CCNI2: variants seen among roughly 807,000 people sequenced by gnomAD.
CCNI2 encodes cyclin I family member 2.
Under a neutral mutation model 33.2 loss-of-function variants are expected in CCNI2, and 32 were observed. That is an observed-to-expected ratio of 0.96 (90% CI 0.73 to 1.30). The LOEUF is 1.30. CCNI2 is among the 50% of genes most tolerant of loss of function. CCNI2 has a pLI of 0.00. For synonymous variants in CCNI2, 231 were observed against 219.9 expected (o/e 1.05, Z -0.45); for missense variants, 452 against 486.2 (o/e 0.93, Z 0.66).
Position 132,752,071 on chromosome 5 carries a change from A to T in CCNI2, c.880A>T (p.Met294Leu). 1 of 1,606,792 alleles carries T rather than the reference A, an allele frequency of 6.2e-7. No homozygotes were observed. The highest frequency in any genetic ancestry group is 8.5e-7 in the Non-Finnish European group (1 of 1,176,812). Residue 294 changes from methionine (M) to leucine (L), a missense_variant, in exon 5 of 6, where the codon ATG becomes TTG. Coordinates refer to ENST00000378731, the MANE Select transcript of CCNI2 (RefSeq NM_001039780.4). ...ASLTRQLQHC[M>L]AGHQLLQFKG... ...CCTGACCAGGCAGCTGCAGCACTGT[A>T]TGGCGGGCCACCAGCTGCTGCAGTT...
downstream of CCNI2, chr5:132,754,440 G>A (rs1029204383): frequency 1.4e-6 from 1 of 717,344 alleles, no homozygotes; most frequent in African/African-American, 1.7e-5. Flanking sequence ...GGCTTTAGGG[G>A]AACTGCTGGA....
downstream of CCNI2, chr5:132,756,061 A>G (rs1755305624): frequency 1.0e-6 from 1 of 985,326 alleles, no homozygotes; most frequent in Non-Finnish European, 1.2e-6. Context: ...GGAAAAGAAC[A>G]AAAACAGTCA....
At position 132,753,967 on chromosome 5, in the gene CCNI2, T is replaced by TG. The variant is rs1356793606; in HGVS notation, c.*997_*998insG. On this transcript the variant is annotated 3_prime_UTR_variant, in exon 6 of 6. Transcript: ENST00000378731. ...CACTGTGAACTATGGTTTTTTTTTT[T>TG]TTTTTTTTTTTTTGGTGTGTTTGTG... The TG allele has an allele frequency of 1.0e-3, 154 of 150,252 alleles. 2 individuals carry two copies. The highest frequency in any genetic ancestry group is 1.9e-3 in the Non-Finnish European group (129 of 67,824). 9.3% of individuals were successfully genotyped at this position (150,252 alleles called of 1,614,324 possible).
chr5:132,751,098 C>T (rs1754807774), intron 4 of CCNI2, 101 bp downstream of exon 4: 16 of 1,335,812 alleles, frequency 1.2e-5, no homozygotes, highest in African/African-American at 1.4e-5. Flanking sequence ...TGCACACGCC[C>T]TTGCACATGC....
intron 3 of CCNI2, among the ~76,000 whole-genome samples, chr5:132,750,204 G>T (rs1754748220): frequency 6.6e-6 from 1 of 152,174 alleles, no homozygotes; most frequent in Admixed American, 6.5e-5. Context: ...TAAAAATCAA[G>T]TGACCCTTTT....
intron 4 of CCNI2, chr5:132,751,685 A>AT (rs1754853576): frequency 1.9e-6 from 1 of 527,978 alleles, no homozygotes; most frequent in South Asian, 2.6e-5. Flanking sequence ...GTATGTTTCT[A>AT]TTTTTCAGAA....
At chr5:132,750,391 T>C (rs765626179) in intron 3 of CCNI2, among the ~76,000 whole-genome samples, 1 of 152,228 alleles carries the variant, frequency 6.6e-6, no homozygotes, top group Non-Finnish European at 1.5e-5. Context: ...GTGTTTGCAG[T>C]TGCGATGCTA....
chr5:132,752,419 C>CT (rs1182681259), intron 5 of CCNI2, among the ~76,000 whole-genome samples: 1 of 152,124 alleles, frequency 6.6e-6, no homozygotes, highest in African/African-American at 2.4e-5. Flanking sequence ...GGGGTGGTCT[C>CT]TGAGAGTGAG....
intron 5 of CCNI2, 38 bp from the exon 6 acceptor site, chr5:132,752,828 T>C (rs1446137669): frequency 8.4e-6 from 13 of 1,555,114 alleles, no homozygotes; most frequent in Non-Finnish European, 1.2e-5. Context: ...GAATGTATGA[T>C]GGTTCTGCTT....
intron 3 of CCNI2, 47 bp from the exon 4 acceptor site, chr5:132,750,810 A>G (rs1367339709): frequency 6.3e-7 from 1 of 1,593,724 alleles, no homozygotes; most frequent in African/African-American, 1.4e-5. Flanking sequence ...AACAAAAGCT[A>G]CTATGACATG....
At chr5:132,748,242 T>C (rs1754668842) in intron 1 of CCNI2, 105 bp from the exon 2 acceptor site, 1 of 1,472,322 alleles carries the variant, frequency 6.8e-7, no homozygotes. Flanking sequence ...AAGGGACTTC[T>C]CACTGCCCCA....
chr5:132,747,778 G>A lies in CCNI2; in HGVS notation c.283G>A (p.Ala95Thr), dbSNP rs6897725. Reference sequence around the variant, plus strand: ...GAAAACCGCAGACGCGGTCCCCGCCGCCGCCCCAGAGCAAGCTCCGCGGCC... The same window carrying A: ...GAAAACCGCAGACGCGGTCCCCGCCACCGCCCCAGAGCAAGCTCCGCGGCC... ...AGKTADAVPA[A>T]APEQAPRPAP... Residue 95 changes from alanine to threonine, a missense_variant, in exon 1 of 6, where the codon GCC becomes ACC. Coordinates refer to ENST00000378731, the MANE Select transcript of CCNI2 (RefSeq NM_001039780.4). This position sits in a 1 kb window ranked among gnomAD's most constrained non-coding sequence, Gnocchi z 4.1. 3.9e-3 allele frequency: 5,681 copies of A among 1,469,932 alleles called. 215 individuals carry two copies. In the African/African-American group the frequency reaches 0.074, roughly 19 times the overall value. 91.1% of individuals were successfully genotyped at this position (1,469,932 alleles called of 1,614,324 possible).
In CCNI2 at chr5:132,754,130, G is replaced by A; in HGVS notation, c.*1160G>A. On this transcript the variant is annotated 3_prime_UTR_variant, in exon 6 of 6. Transcript: ENST00000378731. ...TTTCTTGACACACTTTTGCTTGTTG[G>A]TGCTTTCGTTAAAATTACACTTTAA... 3 of 378,118 alleles carry A rather than the reference G, an allele frequency of 7.9e-6. No homozygotes were observed. In the South Asian group the frequency reaches 1.2e-4, roughly 15 times the overall value. 23.4% of individuals were successfully genotyped at this position (378,118 alleles called of 1,614,324 possible).
intron 4 of CCNI2, 162 bp from the exon 5 acceptor site, chr5:132,751,804 G>C (rs1405125452): frequency 4.8e-6 from 4 of 828,432 alleles, no homozygotes; most frequent in Non-Finnish European, 7.4e-6. Context: ...CACAGGATGG[G>C]CATTAAGCCT....
At position 132,747,737 on chromosome 5, in the gene CCNI2, G is replaced by C. The variant is rs570865198; in HGVS notation, c.242G>C (p.Gly81Ala). ...SAAVPVRPRR[G>A]TAPAGKTADA... ...GCAGTCCCCGTGCGGCCCCGGCGCGGTACGGCGCCAGCCGGGAAAACCGCA... is the reference window on the plus strand; with the variant it reads ...GCAGTCCCCGTGCGGCCCCGGCGCGCTACGGCGCCAGCCGGGAAAACCGCA... The change falls in exon 1 of 6, where the codon GGT becomes GCT. Residue 81 changes from glycine (G) to alanine (A), a missense_variant. Coordinates refer to ENST00000378731, the MANE Select transcript of CCNI2 (RefSeq NM_001039780.4). The surrounding 1 kb of genome is among the most constrained non-coding windows in gnomAD (Gnocchi z 4.1). 6.8e-7 allele frequency: 1 copy of C among 1,473,280 alleles called. No homozygotes were observed. The highest frequency in any genetic ancestry group is 8.9e-7 in the Non-Finnish European group (1 of 1,120,400). 91.3% of individuals were successfully genotyped at this position (1,473,280 alleles called of 1,614,324 possible).
At chr5:132,748,166 G>T (rs1216444423) in intron 1 of CCNI2, among the ~76,000 whole-genome samples, 181 bp from the exon 2 acceptor site, 1 of 152,210 alleles carries the variant, frequency 6.6e-6, no homozygotes, top group Non-Finnish European at 1.5e-5. Flanking sequence ...AAGTGGGCGC[G>T]AGGGGTGGGG....
At chr5:132,751,811 G>T in intron 4 of CCNI2, 155 bp from the exon 5 acceptor site, 1 of 885,858 alleles carries the variant, frequency 1.1e-6, no homozygotes, top group Non-Finnish European at 1.7e-6. Flanking sequence ...TGGGCATTAA[G>T]CCTCAAGCCC....
chr5:132,753,890 T>A lies in CCNI2; in HGVS notation c.*920T>A, dbSNP rs1350873754. On this transcript the variant is annotated 3_prime_UTR_variant, in exon 6 of 6. Transcript: ENST00000378731. ...CCAGCTGGGGCTGTGTAAGTTGTGT[T>A]GGGGGCATGAATGACTGAGCCACAC... 1.3e-5 allele frequency: 2 copies of A among 149,638 alleles called. No homozygotes were observed. Among genetic ancestry groups the A allele is most frequent in the Non-Finnish European group, 2.9e-5 (2 of 68,176 alleles). The allele number at this position is 149,638 out of a possible 1,614,324, so 9.3% of individuals were successfully genotyped here. A position where few individuals can be genotyped will look rare whatever the true frequency, so the allele number is the denominator to read the frequency against.
rs1384242376 is a variant in CCNI2, at chr5:132,748,404, A to G, written c.487A>G (p.Thr163Ala). Reference protein sequence around the residue: ...VVLWLLRLQNTFYFSQSTFNL... With the variant: ...VVLWLLRLQNAFYFSQSTFNL... ...GCTGTGGCTCCTGCGGCTTCAGAAC[A>G]CCTTTTACTTCTCCCAGTCCACTTT... The change falls in exon 2 of 6, where the codon ACC becomes GCC. Residue 163 changes from threonine (T) to alanine (A), a missense_variant. Coordinates refer to ENST00000378731, the MANE Select transcript of CCNI2 (RefSeq NM_001039780.4). 1.2e-6 allele frequency: 2 copies of G among 1,613,978 alleles called. No individual in the cohort carries two copies. The highest frequency in any genetic ancestry group is 3.3e-5 in the Admixed American group (2 of 60,008).
Sources: allele counts gnomAD v4.1 joint callset (sites outside exome capture counted in the v4.1 genomes callset), GRCh38; gene constraint gnomAD v4.1.1; non-coding constraint Gnocchi (gnomAD v3.1); transcripts MANE v1.5; gene names NCBI Gene and HGNC (gene_info 2026-07-23, HGNC 2026-07-21).